Variants in GPR89B observed in about 807,000 individuals in gnomAD.
The protein encoded by GPR89B is golgi pH regulator B.
GPR89B carries 25 observed loss-of-function variants against 52.4 expected under a neutral mutation model. The observed-to-expected ratio is 0.48, with a 90% CI of 0.35 to 0.67. GPR89B has a LOEUF of 0.67. Among genes scored for constraint, GPR89B ranks in the 30% least tolerant of loss-of-function variants. GPR89B has a pLI of 0.01. For synonymous variants in GPR89B, 52 were observed against 151.2 expected (o/e 0.34, Z 4.81); for missense variants, 146 against 450.2 (o/e 0.32, Z 6.11).
chr1:147,935,865 G>T lies in GPR89B; in HGVS notation c.43-762G>T, dbSNP rs1322259535. On this transcript the variant is annotated intron_variant, in intron 1 of 13. Transcript: ENST00000314163. ...TCTTCCCACCTCAGCCTCCCAGGTG[G>T]CTGGGACTACAGGCACACCCCACCA... is the stretch of plus-strand genomic sequence containing the variant. Among the ~76,000 whole-genome samples the T allele has an allele frequency of 2.6e-5, 4 of 152,006 alleles. No homozygotes were observed. The East Asian group carries it at 7.7e-4, about 29-fold the overall frequency.
intron 11 of GPR89B, among the ~76,000 whole-genome samples, chr1:147,987,261 C>T (rs1199730431): frequency 6.6e-6 from 1 of 152,240 alleles, no homozygotes. Flanking sequence ...CTGTGGCCCA[C>T]ATCTGTAGTC....
chr1:147,983,336 T>G lies in GPR89B; in HGVS notation c.910-2863T>G, dbSNP rs1195603122. ...CCAAAATTGACAAATGGGATCTAAT[T>G]AAACTAAAGAGCTTCTGCACAGCAA... On this transcript the variant is annotated intron_variant, in intron 10 of 13. Transcript: ENST00000314163. 4.2e-3 allele frequency among the ~76,000 whole-genome samples: 646 copies of G among 152,092 alleles called. 4 individuals are homozygous for G. The highest frequency in any genetic ancestry group is 0.014 in the African/African-American group (588 of 41,474).
chr1:147,970,531 C>CTGTCTCTCTCTCTCTCTCTA, intron 10 of GPR89B, among the ~76,000 whole-genome samples: 1 of 141,064 alleles, frequency 7.1e-6, no homozygotes, highest in South Asian at 2.2e-4. Flanking sequence ...CTCTCTCTCT[C>CTGTCTCTCTCTCTCTCTCTA]TCTATCTCTA....
intron 11 of GPR89B, 23 bp downstream of exon 11, chr1:147,986,317 G>T: frequency 6.2e-7 from 1 of 1,610,368 alleles, no homozygotes. Context: ...TCAAGATCCT[G>T]GTTTGTCATG....
At chr1:147,929,785 C>T (rs1653386572) in intron 1 of GPR89B, among the ~76,000 whole-genome samples, 1 of 141,054 alleles carries the variant, frequency 7.1e-6, no homozygotes, top group African/African-American at 2.7e-5. Flanking sequence ...CGCTCTAATG[C>T]AATAGTTTTT....
the GPR89B span, among the ~76,000 whole-genome samples, chr1:148,009,953 C>A: frequency 6.6e-6 from 1 of 151,734 alleles, no homozygotes; most frequent in Non-Finnish European, 1.5e-5. Flanking sequence ...ACATGAGATG[C>A]ATTCACCCTA....
At chr1:147,971,163 T>C (rs1203865848) in intron 10 of GPR89B, among the ~76,000 whole-genome samples, 4 of 151,852 alleles carry the variant, frequency 2.6e-5, no homozygotes, top group Admixed American at 2.0e-4. Flanking sequence ...ATGTCTTTTT[T>C]TTTTTAGATG....
intron 3 of GPR89B, among the ~76,000 whole-genome samples, chr1:147,939,998 TGAGA>T (rs1244584991): frequency 5.3e-5 from 8 of 150,274 alleles, no homozygotes; most frequent in Non-Finnish European, 1.2e-4. Context: ...AAAAAAAGAG[TGAGA>T]GAGAGAGAAT....
intron 7 of GPR89B, among the ~76,000 whole-genome samples, chr1:147,958,727 C>T (rs1318771675): frequency 1.3e-5 from 2 of 151,780 alleles, no homozygotes; most frequent in Non-Finnish European, 2.9e-5. Context: ...AAGGAATTGA[C>T]TCTGATCTGT....
At chr1:147,988,572 A>G in intron 12 of GPR89B, 51 bp downstream of exon 12, 3 of 934,646 alleles carry the variant, frequency 3.2e-6, no homozygotes, top group Non-Finnish European at 5.1e-6. Flanking sequence ...TGTTTAATTA[A>G]ATGTGGTACC....
chr1:147,977,256 A>C (rs1482890131), intron 10 of GPR89B, among the ~76,000 whole-genome samples: 4 of 150,784 alleles, frequency 2.7e-5, no homozygotes, highest in African/African-American at 4.9e-5. Context: ...AAAAAAAAAA[A>C]AAAAAACAGA....
At chr1:147,971,501 GTC>G (rs1177592367) in intron 10 of GPR89B, among the ~76,000 whole-genome samples, 1 of 134,518 alleles carries the variant, frequency 7.4e-6, no homozygotes, top group African/African-American at 2.9e-5. Context: ...TGAAGACGGA[GTC>G]TCTCTCTGTC....
At chr1:148,003,158 A>T in the GPR89B span, among the ~76,000 whole-genome samples, 1 of 152,194 alleles carries the variant, frequency 6.6e-6, no homozygotes, top group Non-Finnish European at 1.5e-5. Flanking sequence ...CCAAATTAAT[A>T]TTTGATAAAT....
At chr1:148,019,900 A>C in the GPR89B span, among the ~76,000 whole-genome samples, 44 of 151,826 alleles carry the variant, frequency 2.9e-4, no homozygotes, top group Non-Finnish European at 1.8e-4. Flanking sequence ...AAGGCATAAG[A>C]AGTTAAAAGC....
the GPR89B span, chr1:148,009,366 C>A: frequency 1.2e-6 from 2 of 1,612,098 alleles, no homozygotes; most frequent in East Asian, 4.5e-5. Flanking sequence ...CAGAGAGAAG[C>A]CATGGCTGCC....
the GPR89B span, among the ~76,000 whole-genome samples, chr1:148,005,791 G>A: frequency 6.6e-6 from 1 of 150,816 alleles, no homozygotes; most frequent in Non-Finnish European, 1.5e-5. Context: ...CTTGGGTCTG[G>A]GGAGTAACAC....
At chr1:147,966,123 A>G (rs1657018836) in intron 7 of GPR89B, among the ~76,000 whole-genome samples, 2 of 152,048 alleles carry the variant, frequency 1.3e-5, no homozygotes, top group South Asian at 2.1e-4. Flanking sequence ...CTGGGATTAC[A>G]GGAGTGAGCC....
intron 5 of GPR89B, among the ~76,000 whole-genome samples, chr1:147,949,544 C>G (rs1655353229): frequency 7.6e-6 from 1 of 131,758 alleles, no homozygotes; most frequent in Non-Finnish European, 1.6e-5. Context: ...CCCCTCACCT[C>G]CCGGACGGGG....
the GPR89B span, among the ~76,000 whole-genome samples, chr1:148,017,316 A>C: frequency 2.6e-5 from 4 of 151,314 alleles, no homozygotes; most frequent in Non-Finnish European, 4.4e-5. Context: ...TGCTGGGATT[A>C]CAGGCGTGAG....
Sources: allele counts gnomAD v4.1 joint callset (sites outside exome capture counted in the v4.1 genomes callset), GRCh38; gene constraint gnomAD v4.1.1; transcripts MANE v1.5; gene names NCBI Gene and HGNC (gene_info 2026-07-23, HGNC 2026-07-21).